Variants in PCDHGA3 observed in about 807,000 individuals in gnomAD.
PCDHGA3 encodes protocadherin gamma subfamily A, 3.
In PCDHGA3, 40 loss-of-function variants were observed where a neutral mutation model predicts 58.5. The ratio of observed to expected loss-of-function variants is 0.68; its 90% CI spans 0.53 to 0.89. The LOEUF (loss-of-function observed/expected upper bound fraction) is 0.89. Ranked by LOEUF, PCDHGA3 falls within the 40% of genes least tolerant of loss-of-function variation. The pLI, the probability that PCDHGA3 is intolerant of heterozygous loss-of-function variation, is 0.00. For missense variants in PCDHGA3, 1,223 were observed against 1,195.9 expected, an observed-to-expected ratio of 1.02 and a Z score of -0.33; for synonymous variants, 530 against 525.7, an observed-to-expected ratio of 1.01 and a Z score of -0.11.
At chr5:141,351,145 C>A in intron 1 of PCDHGA3, 1 of 1,613,972 alleles carries the variant, frequency 6.2e-7, no homozygotes. Context: ...CAAATACTGG[C>A]GACATCACAA....
intron 1 of PCDHGA3, chr5:141,478,773 T>C (rs975950601): frequency 1.3e-6 from 2 of 1,496,766 alleles, no homozygotes; most frequent in African/African-American, 2.8e-5. Context: ...GACTCATCTG[T>C]GGACCTAATT....
intron 1 of PCDHGA3, chr5:141,398,796 C>G (rs765198482): frequency 8.1e-6 from 13 of 1,613,920 alleles, no homozygotes; most frequent in Middle Eastern, 1.6e-4. Context: ...CACCCCTAAG[C>G]GGCACCACTG....
At chr5:141,502,203 C>G (rs1562205141) in intron 2 of PCDHGA3, among the ~76,000 whole-genome samples, 1 of 152,122 alleles carries the variant, frequency 6.6e-6, no homozygotes. Context: ...ATAGAATCCA[C>G]CAGCAGATTT....
At chr5:141,419,449 C>T (rs780917543) in intron 1 of PCDHGA3, 5 of 1,612,958 alleles carry the variant, frequency 3.1e-6, no homozygotes, top group Non-Finnish European at 4.2e-6. Context: ...CCTTCGAGCT[C>T]ACGCTGCAGG....
At position 141,343,925 on chromosome 5, in the gene PCDHGA3, G is replaced by C. The variant is rs1757341245; in HGVS notation, c.-109G>C. 2 of 1,023,870 alleles carry C rather than the reference G, an allele frequency of 2.0e-6. No individual in the cohort carries two copies. Among genetic ancestry groups the C allele is most frequent in the Non-Finnish European group, 2.8e-6 (2 of 711,628 alleles). 63.4% of individuals were successfully genotyped at this position (1,023,870 alleles called of 1,614,324 possible). On this transcript the variant is annotated 5_prime_UTR_variant, in exon 1 of 4. An upstream open reading frame in the 5' UTR loses its in-frame stop. Coordinates refer to ENST00000253812, the MANE Select transcript of PCDHGA3 (RefSeq NM_018916.4). ...TCACCTCTTAGTCAACCAGCTGTTT[G>C]ACCTGTGAATTAGGCCCGTAAAAGA...
intron 1 of PCDHGA3, chr5:141,375,745 C>T (rs753247365): frequency 2.5e-6 from 4 of 1,614,238 alleles, no homozygotes; most frequent in Admixed American, 3.3e-5. Context: ...TTGTGCTGGA[C>T]CAGAATGACA....
chr5:141,347,293 A>G (rs561898736), intron 1 of PCDHGA3, among the ~76,000 whole-genome samples: 2 of 151,984 alleles, frequency 1.3e-5, no homozygotes, highest in East Asian at 3.9e-4. Flanking sequence ...AGCTGGGACT[A>G]CAGGCACGAG....
chr5:141,361,652 C>T (rs1226356152), intron 1 of PCDHGA3: 16 of 1,613,788 alleles, frequency 9.9e-6, no homozygotes, highest in East Asian at 2.2e-5. Context: ...TCCTACGTGT[C>T]CGTGAGCGCG....
intron 2 of PCDHGA3, among the ~76,000 whole-genome samples, chr5:141,502,905 A>T (rs1364939091): frequency 1.5e-5 from 2 of 131,814 alleles, no homozygotes; most frequent in Non-Finnish European, 3.0e-5. Flanking sequence ...CTCTGTTGCC[A>T]GGCTGGAGTG....
chr5:141,355,668 A>C, intron 1 of PCDHGA3: 2 of 1,614,018 alleles, frequency 1.2e-6, no homozygotes, highest in Non-Finnish European at 1.7e-6. Flanking sequence ...CTCTTCCTGA[A>C]GCTTTTGATC....
Position 141,345,384 on chromosome 5 carries a change from A to G in PCDHGA3, c.1351A>G (p.Thr451Ala). The change falls in exon 1 of 4, where the codon ACC (threonine) becomes GCC (alanine). Residue 451 changes from threonine (T) to alanine (A), a missense_variant. Coordinates refer to ENST00000253812, the MANE Select transcript of PCDHGA3 (RefSeq NM_018916.4). Reference sequence around the variant, plus strand: ...GATTGACATCAATGACAACCCACCCACCTTCCCTCATTTATCCTACTCCGC... The same window carrying G: ...GATTGACATCAATGACAACCCACCCGCCTTCCCTCATTTATCCTACTCCGC... ...HVIDINDNPP[T>A]FPHLSYSAYI... 2 of 1,613,884 alleles carry G rather than the reference A, an allele frequency of 1.2e-6. No individual in the cohort carries two copies. The highest frequency in any genetic ancestry group is 1.7e-6 in the Non-Finnish European group (2 of 1,179,980).
intron 1 of PCDHGA3, chr5:141,421,468 C>G: frequency 1.2e-6 from 2 of 1,614,096 alleles, no homozygotes; most frequent in Non-Finnish European, 1.7e-6. Flanking sequence ...TGTGAATCCG[C>G]GAAGCGGCAG....
chr5:141,419,886 G>A lies in PCDHGA3; in HGVS notation c.2424+73429G>A, dbSNP rs1195529127. ...TTGCAAGAGGTACTGCCGGATTTCA[G>A]CGACCATCCCACACCCTCTGACTCC... On this transcript the variant is annotated intron_variant, in intron 1 of 3. Transcript: ENST00000253812. 1.9e-6 allele frequency: 3 copies of A among 1,614,076 alleles called. No individual in the cohort carries two copies. In the East Asian group the frequency reaches 6.7e-5, roughly 36 times the overall value.
Position 141,491,417 on chromosome 5 carries a change from G to A in PCDHGA3, c.2425-3390G>A, listed in dbSNP as rs200843744. 5 of 1,613,988 alleles carry A rather than the reference G, an allele frequency of 3.1e-6. No homozygotes were observed. The highest frequency in any genetic ancestry group is 1.1e-5 in the South Asian group (1 of 91,092). Reference sequence around the variant, plus strand: ...CAGGGAAACGCAGACGGGGACGGGGGTGGAGGGCAGTGCTGCAGGCGCCAG... The same window carrying A: ...CAGGGAAACGCAGACGGGGACGGGGATGGAGGGCAGTGCTGCAGGCGCCAG... On this transcript the variant is annotated intron_variant, in intron 1 of 3. Transcript: ENST00000253812. The surrounding 1 kb of genome is among the most constrained non-coding windows in gnomAD (Gnocchi z 6.9).
At position 141,408,867 on chromosome 5, in the gene PCDHGA3, G is replaced by T. The variant is rs376342658; in HGVS notation, c.2424+62410G>T. 5.5e-5 allele frequency: 88 copies of T among 1,613,574 alleles called. No homozygotes were observed. The highest frequency in any genetic ancestry group is 6.8e-5 in the Non-Finnish European group (80 of 1,179,830). ...GCCTTGGACGGAGGGGACCCACCAA[G>T]AAGTGCCACCGCTCACATAGAAATT... On this transcript the variant is annotated intron_variant, in intron 1 of 3. Transcript: ENST00000253812.
At chr5:141,379,475 T>C (rs192049867) in intron 1 of PCDHGA3, 35 of 152,390 alleles carry the variant, frequency 2.3e-4, no homozygotes, top group African/African-American at 8.2e-4. Flanking sequence ...GTGTGAATGT[T>C]ATTTTACTAT....
Position 141,422,952 on chromosome 5 carries a change from C to T in PCDHGA3, c.2425-71855C>T, listed in dbSNP as rs759618535. 11 of 1,614,254 alleles carry T rather than the reference C, an allele frequency of 6.8e-6. No homozygotes were observed. The East Asian group carries it at 2.0e-4, about 29-fold the overall frequency. On this transcript the variant is annotated intron_variant, in intron 1 of 3. Coordinates refer to ENST00000253812, the MANE Select transcript of PCDHGA3 (RefSeq NM_018916.4). ...CCCTCCCCACAGACGGCTCCACTGG[C>T]GTGGAGCTGGCGCCCCGCTCTGCGG...
At chr5:141,417,656 G>A (rs1561768422) in intron 1 of PCDHGA3, 1 of 854,026 alleles carries the variant, frequency 1.2e-6, no homozygotes, top group Non-Finnish European at 1.7e-6. Context: ...CCTCTAGCCT[G>A]GGATTCCCTG....
intron 1 of PCDHGA3, chr5:141,383,672 G>A: frequency 6.2e-7 from 1 of 1,614,030 alleles, no homozygotes; most frequent in Non-Finnish European, 8.5e-7. Flanking sequence ...GTGCCAGTGG[G>A]TACAAGACTG....
Sources: gnomAD v4.1 joint callset for allele counts (sites outside exome capture counted in the v4.1 genomes callset) on GRCh38, gnomAD v4.1.1 for gene constraint, Gnocchi (gnomAD v3.1) non-coding constraint, MANE v1.5 for transcripts, NCBI Gene and HGNC (gene_info 2026-07-23, HGNC 2026-07-21) for gene names.